The following KCTD2 variants were observed in gnomAD, a reference collection of about 807,000 sequenced individuals.
KCTD2 encodes the protein potassium channel tetramerization domain containing 2.
Under a neutral mutation model 27.9 loss-of-function variants are expected in KCTD2, and 18 were observed. That is an observed-to-expected ratio of 0.64 (90% CI 0.45 to 0.96). KCTD2 has a LOEUF of 0.96. Ranked by LOEUF, KCTD2 falls within the 40% of genes least tolerant of loss-of-function variation. The probability of loss-of-function intolerance (pLI) is 0.00; values close to 1 mark genes in which losing one functional copy is unlikely to be tolerated. For missense variants in KCTD2, 280 were observed against 348.0 expected (o/e 0.80, Z 1.56); for synonymous variants, 175 against 148.4 (o/e 1.18, Z -1.30).
At chr17:75,056,520 T>C (rs2073351785) in intron 3 of KCTD2, among the ~76,000 whole-genome samples, 1 of 152,188 alleles carries the variant, frequency 6.6e-6, no homozygotes, top group South Asian at 2.1e-4. Context: ...ATGACCGCAA[T>C]TAAATTAATT....
chr17:75,057,555 C>CTTTT (rs531046978), intron 3 of KCTD2, among the ~76,000 whole-genome samples: 1 of 133,368 alleles, frequency 7.5e-6, no homozygotes, highest in Non-Finnish European at 1.6e-5. Context: ...AGCTATACCT[C>CTTTT]TTTTTTTTTT....
chr17:75,063,037 C>T lies in KCTD2; in HGVS notation c.782C>T (p.Ser261Leu), dbSNP rs1319572990. 15 of 1,613,810 alleles carry T rather than the reference C, an allele frequency of 9.3e-6. No individual in the cohort carries two copies. Among genetic ancestry groups the T allele is most frequent in the Non-Finnish European group, 1.2e-5 (14 of 1,179,980 alleles). ...EKAKILQERG[S>L]RM ...TTTCAGATTCTTCAGGAGAGAGGAT[C>T]GCGGATGTAAACTAAGACCCCGAAA... The change falls in exon 6 of 6, where the codon TCG becomes TTG. Residue 261 changes from serine (S) to leucine (L), a missense_variant. By Grantham distance (145) the Ser-to-Leu change is moderately radical. Transcript: ENST00000322444.
intron 2 of KCTD2, among the ~76,000 whole-genome samples, chr17:75,052,414 C>T (rs1029272364): frequency 3.9e-5 from 6 of 152,024 alleles, no homozygotes; most frequent in South Asian, 2.1e-4. Flanking sequence ...GGCAAAACCC[C>T]GTCTCTGCGA....
At chr17:75,039,742 T>TA in intron 3 of KCTD2, 1 of 286,914 alleles carries the variant, frequency 3.5e-6, no homozygotes, top group Non-Finnish European at 6.5e-6. Flanking sequence ...TGAAATATGA[T>TA]AAAATGCACA....
At chr17:75,040,268 A>C in intron 3 of KCTD2, 1 of 1,360,130 alleles carries the variant, frequency 7.4e-7, no homozygotes, top group Non-Finnish European at 1.0e-6. Context: ...GGAAGCTACG[A>C]ATCCTTAAAG....
upstream of KCTD2, chr17:75,042,699 G>A: frequency 6.4e-7 from 1 of 1,571,188 alleles, no homozygotes; most frequent in Non-Finnish European, 8.6e-7. Context: ...TTTTTTATGA[G>A]GTGAATTTTC....
At chr17:75,053,858 CTTTTTTT>C (rs71159419) in intron 3 of KCTD2, among the ~76,000 whole-genome samples, 9 of 59,322 alleles carry the variant, frequency 1.5e-4, no homozygotes, top group South Asian at 1.3e-3. Flanking sequence ...GTGAACCATG[CTTTTTTT>C]TTTTTTTTTT....
chr17:75,050,804 T>C (rs2073276102), intron 2 of KCTD2, among the ~76,000 whole-genome samples: 1 of 152,126 alleles, frequency 6.6e-6, no homozygotes, highest in Non-Finnish European at 1.5e-5. Context: ...TAACCAATTT[T>C]CAATGTTATT....
rs1294085208 is a variant in KCTD2, at chr17:75,064,137, CTG to C, written c.*1094_*1095del. 7 of 152,688 alleles carry C rather than the reference CTG, an allele frequency of 4.6e-5. No homozygotes were observed. Among genetic ancestry groups the C allele is most frequent in the Admixed American group, 4.6e-4 (7 of 15,292 alleles). The allele number at this position is 152,688 out of a possible 1,614,324, so 9.5% of individuals were successfully genotyped here. A position where few individuals can be genotyped will look rare whatever the true frequency, so the allele number is the denominator to read the frequency against. ...ATGTGCTAGGCAGTCTGGGGACCCC[CTG>C]TGTCTCTGACCACCCCCCTGACCCC... On this transcript the variant is annotated 3_prime_UTR_variant, in exon 6 of 6. Transcript: ENST00000322444.
intron 3 of KCTD2, among the ~76,000 whole-genome samples, chr17:75,056,934 TC>T (rs2073355405): frequency 2.0e-5 from 3 of 147,224 alleles, no homozygotes; most frequent in Non-Finnish European, 4.4e-5. Context: ...TTCCTCTGTT[TC>T]TTTTTTTTTC....
chr17:75,053,471 C>G (rs543089440), intron 3 of KCTD2, among the ~76,000 whole-genome samples: 1 of 151,774 alleles, frequency 6.6e-6, no homozygotes, highest in African/African-American at 2.4e-5. Flanking sequence ...GATGGAGTCT[C>G]GCCCTGTCGC....
chr17:75,035,081 A>T lies in KCTD2; in HGVS notation c.-384-151A>T, dbSNP rs564932907. On this transcript the variant is annotated intron_variant, in intron 2 of 7. Transcript: ENST00000581589. ...CGCCGGAGCGTTTAATGGCCATCAAATTGGCCTCTCTAGGAGGTAGCTGCA... is the reference window on the plus strand; with the variant it reads ...CGCCGGAGCGTTTAATGGCCATCAATTTGGCCTCTCTAGGAGGTAGCTGCA... Among the ~76,000 whole-genome samples the T allele has an allele frequency of 2.3e-3, 356 of 151,902 alleles. 1 individual carries two copies. Among genetic ancestry groups the T allele is most frequent in the African/African-American group, 8.3e-3 (344 of 41,472 alleles).
chr17:75,065,306 G>A lies in KCTD2; in HGVS notation c.*2259G>A, dbSNP rs2073446230. The A allele has an allele frequency of 6.6e-6, 1 of 152,204 alleles. No individual in the cohort carries two copies. The highest frequency in any genetic ancestry group is 6.5e-5 in the Admixed American group (1 of 15,278). The allele number at this position is 152,204 out of a possible 1,614,324, so 9.4% of individuals were successfully genotyped here. On this transcript the variant is annotated 3_prime_UTR_variant, in exon 6 of 6. Coordinates refer to ENST00000322444, the MANE Select transcript of KCTD2 (RefSeq NM_015353.3). ...GACTCTGGGTTCTTAAGATTTCTGG[G>A]AGCGTTGTTCACCCACCCCCTTTAG...
intron 5 of KCTD2, 67 bp downstream of exon 5, chr17:75,062,312 C>T (rs908042427): frequency 2.0e-6 from 3 of 1,493,010 alleles, no homozygotes; most frequent in Non-Finnish European, 2.7e-6. Context: ...GTGGGCTTTT[C>T]CTGAACTCTT....
intron 2 of KCTD2, 40 bp downstream of exon 2, chr17:75,049,368 G>C: frequency 8.1e-7 from 1 of 1,230,134 alleles, no homozygotes; most frequent in Non-Finnish European, 1.2e-6. Flanking sequence ...CAAAATGCAA[G>C]TAGAATCTTT....
At chr17:75,058,696 G>A (rs1181116451) in intron 3 of KCTD2, among the ~76,000 whole-genome samples, 1 of 152,098 alleles carries the variant, frequency 6.6e-6, no homozygotes, top group African/African-American at 2.4e-5. Context: ...CTATTCGGGA[G>A]GCTGAGGCGG....
chr17:75,060,719 C>G (rs1402734414), intron 4 of KCTD2: 1 of 866,580 alleles, frequency 1.2e-6, no homozygotes, highest in Non-Finnish European at 1.7e-6. Flanking sequence ...ACTCGCCACC[C>G]TGGGATCAAC....
chr17:75,037,130 G>C (rs1281833348), intron 3 of KCTD2, among the ~76,000 whole-genome samples: 1 of 152,144 alleles, frequency 6.6e-6, no homozygotes, highest in Non-Finnish European at 1.5e-5. Flanking sequence ...AGATCACGAG[G>C]TCAGGAGATC....
chr17:75,047,710 T>C, intron 1 of KCTD2, 121 bp downstream of exon 1: 6 of 867,426 alleles, frequency 6.9e-6, no homozygotes, highest in East Asian at 3.3e-5. Context: ...GACCCCATCC[T>C]CCCCCTCCCT....
Sources: allele counts gnomAD v4.1 joint callset (sites outside exome capture counted in the v4.1 genomes callset), GRCh38; gene constraint gnomAD v4.1.1; transcripts MANE v1.5; gene names NCBI Gene and HGNC (gene_info 2026-07-23, HGNC 2026-07-21).